CDK6: variants seen among roughly 807,000 people sequenced by gnomAD.
CDK6 encodes the protein cyclin dependent kinase 6.
In CDK6, 6 loss-of-function variants were observed where a neutral mutation model predicts 37.1. The observed-to-expected ratio is 0.16, with a 90% CI of 0.09 to 0.32. The LOEUF (loss-of-function observed/expected upper bound fraction) is 0.32, where lower values mean the gene tolerates loss of function less well. Among genes scored for constraint, CDK6 ranks in the 10% least tolerant of loss-of-function variants. CDK6 has a pLI of 1.00. For missense variants in CDK6, 224 were observed against 418.9 expected, an observed-to-expected ratio of 0.53 and a Z score of 4.06; for synonymous variants, 160 against 161.3, an observed-to-expected ratio of 0.99 and a Z score of 0.06.
At chr7:92,643,826 T>C (rs1396369212) in intron 5 of CDK6, among the ~76,000 whole-genome samples, 1 of 152,250 alleles carries the variant, frequency 6.6e-6, no homozygotes, top group African/African-American at 2.4e-5. Flanking sequence ...TTCTCATTTA[T>C]TTACTTATTA....
chr7:92,672,160 T>TATATATATACACACAC (rs1210519115), intron 4 of CDK6, among the ~76,000 whole-genome samples: 1 of 79,088 alleles, frequency 1.3e-5, no homozygotes, highest in East Asian at 3.9e-4. Context: ...TATATATATA[T>TATATATATACACACAC]ACACATACAC....
intron 5 of CDK6, among the ~76,000 whole-genome samples, chr7:92,630,834 T>C (rs1254001023): frequency 6.6e-6 from 1 of 152,138 alleles, no homozygotes; most frequent in African/African-American, 2.4e-5. Flanking sequence ...GGAAGGTCAT[T>C]TGGAGCAAGG....
chr7:92,673,778 CTTTTTTTTTT>C (rs948848931), intron 4 of CDK6, among the ~76,000 whole-genome samples: 1 of 146,700 alleles, frequency 6.8e-6, no homozygotes, highest in Non-Finnish European at 1.5e-5. Context: ...TTGTTCCTTC[CTTTTTTTTTT>C]TCTTTTTGAG....
chr7:92,658,573 C>T (rs1796760098), intron 5 of CDK6, among the ~76,000 whole-genome samples: 1 of 142,042 alleles, frequency 7.0e-6, no homozygotes, highest in African/African-American at 2.5e-5. Context: ...TTTATAAACT[C>T]TCTCTCTTTC....
At chr7:92,812,824 C>T (rs1009370859) in intron 2 of CDK6, among the ~76,000 whole-genome samples, 2 of 152,082 alleles carry the variant, frequency 1.3e-5, no homozygotes, top group Non-Finnish European at 2.9e-5. Flanking sequence ...CATGGTTTAC[C>T]GTACAGACAT....
At chr7:92,780,791 A>AC (rs1799970692) in intron 2 of CDK6, among the ~76,000 whole-genome samples, 3 of 149,958 alleles carry the variant, frequency 2.0e-5, no homozygotes, top group South Asian at 4.3e-4. Context: ...AAAAAAACAA[A>AC]AAACAACAAC....
intron 2 of CDK6, among the ~76,000 whole-genome samples, chr7:92,821,900 A>G (rs1801183193): frequency 6.6e-6 from 1 of 152,084 alleles, no homozygotes; most frequent in Admixed American, 6.6e-5. Flanking sequence ...CTTGGGCTTC[A>G]CTGCTTATAA....
chr7:92,711,913 G>A (rs938284506), intron 4 of CDK6, among the ~76,000 whole-genome samples: 5 of 151,342 alleles, frequency 3.3e-5, no homozygotes, highest in African/African-American at 9.7e-5. Context: ...AAAGAATGCA[G>A]ACAAAAAAAC....
chr7:92,834,465 G>A lies in CDK6; in HGVS notation c.-367-775C>T, dbSNP rs1026154493. Among the ~76,000 whole-genome samples the A allele has an allele frequency of 1.3e-5, 2 of 151,630 alleles. No homozygotes were observed. The highest frequency in any genetic ancestry group is 2.9e-5 in the Non-Finnish European group (2 of 67,834). ...CCAGCCATCTGGTCGGGGAGGGTTG[G>A]GGCTTATCGGGGGTGGGCGAGCGAG... On this transcript the variant is annotated intron_variant, in intron 1 of 7. Coordinates refer to ENST00000424848, the MANE Select transcript of CDK6 (RefSeq NM_001145306.2). The surrounding 1 kb of genome is among the most constrained non-coding windows in gnomAD (Gnocchi z 4.6).
intron 4 of CDK6, among the ~76,000 whole-genome samples, chr7:92,672,337 G>T (rs549870091): frequency 2.1e-4 from 31 of 150,650 alleles, no homozygotes; most frequent in African/African-American, 7.3e-4. Context: ...TGACAGCTTG[G>T]GGAATCAAAG....
rs1397123264 is a variant in CDK6 at position 92,614,303 on chromosome 7, A to C, written c.*837T>G. 4.3e-6 allele frequency: 1 copy of C among 232,948 alleles called. No individual in the cohort carries two copies. The highest frequency in any genetic ancestry group is 6.1e-5 in the East Asian group (1 of 16,508). 14.4% of individuals were successfully genotyped at this position (232,948 alleles called of 1,614,324 possible). The stretch of plus-strand genomic sequence containing the variant: ...TCTGAGGTACACTCCCTAAACCTAT[A>C]GCAAGTAATAAAAAGCTTACAGGCT... On this transcript the variant is annotated 3_prime_UTR_variant, in exon 8 of 8. Coordinates refer to ENST00000424848, the MANE Select transcript of CDK6 (RefSeq NM_001145306.2).
intron 4 of CDK6, among the ~76,000 whole-genome samples, chr7:92,694,336 T>C (rs1160318917): frequency 6.6e-6 from 1 of 152,128 alleles, no homozygotes. Flanking sequence ...AACTCCAGAA[T>C]CCTATAATTA....
chr7:92,811,023 G>A (rs755275931), intron 2 of CDK6, among the ~76,000 whole-genome samples: 7 of 151,898 alleles, frequency 4.6e-5, no homozygotes, highest in African/African-American at 1.7e-4. Context: ...CCGAGATCGC[G>A]CCCGGTGACA....
chr7:92,776,188 C>T (rs1162665011), intron 2 of CDK6, among the ~76,000 whole-genome samples: 2 of 151,780 alleles, frequency 1.3e-5, no homozygotes. Context: ...TGTTAGTTTG[C>T]TGAGAATGAT....
chr7:92,826,866 T>C (rs1801331190), intron 2 of CDK6, among the ~76,000 whole-genome samples: 1 of 152,136 alleles, frequency 6.6e-6, no homozygotes, highest in African/African-American at 2.4e-5. Context: ...AGGAAACATA[T>C]ACGGGTTAAC....
chr7:92,702,882 C>T (rs1226232995), intron 4 of CDK6, among the ~76,000 whole-genome samples: 5 of 152,164 alleles, frequency 3.3e-5, no homozygotes, highest in African/African-American at 1.2e-4. Context: ...CCAGGCAATT[C>T]TCTACTGCAG....
rs529715636 is a variant in CDK6, at chr7:92,613,852, T to A, written c.*1288A>T. The A allele has an allele frequency of 8.6e-6, 2 of 233,202 alleles. No individual in the cohort carries two copies. Among genetic ancestry groups the A allele is most frequent in the Admixed American group, 5.6e-5 (1 of 17,796 alleles). The allele number at this position is 233,202 out of a possible 1,614,324, so 14.4% of individuals were successfully genotyped here. ...TAGAAGGACTGCATTAGAGAACATA[T>A]GTGACCCTGTTAGGTTTGCAGAATC... On this transcript the variant is annotated 3_prime_UTR_variant, in exon 8 of 8. Transcript: ENST00000424848.
Position 92,834,106 on chromosome 7 carries a change from C to T in CDK6, c.-367-416G>A, listed in dbSNP as rs1562980670. ...CCCTCCCCGCCTCCTGAGGCCCGGACGTGCAGGGAGACGGGGTCCAGGGGT... is the reference window on the plus strand; with the variant it reads ...CCCTCCCCGCCTCCTGAGGCCCGGATGTGCAGGGAGACGGGGTCCAGGGGT... On this transcript the variant is annotated intron_variant, in intron 1 of 7. Coordinates refer to ENST00000424848, the MANE Select transcript of CDK6 (RefSeq NM_001145306.2). The surrounding 1 kb of genome is among the most constrained non-coding windows in gnomAD (Gnocchi z 4.6). 1.3e-5 allele frequency among the ~76,000 whole-genome samples: 2 copies of T among 152,036 alleles called. No individual in the cohort carries two copies. Among genetic ancestry groups the T allele is most frequent in the African/African-American group, 2.4e-5 (1 of 41,386 alleles).
chr7:92,619,815 G>A (rs1338681946), intron 6 of CDK6, among the ~76,000 whole-genome samples: 2 of 151,686 alleles, frequency 1.3e-5, no homozygotes, highest in African/African-American at 4.9e-5. Flanking sequence ...TTTACTAGAA[G>A]CAATAAATAG....
Sources: gnomAD v4.1 joint callset for allele counts (sites outside exome capture counted in the v4.1 genomes callset) on GRCh38, gnomAD v4.1.1 for gene constraint, Gnocchi (gnomAD v3.1) non-coding constraint, MANE v1.5 for transcripts, NCBI Gene and HGNC (gene_info 2026-07-23, HGNC 2026-07-21) for gene names.